The following DCDC2C variants were observed in gnomAD, a reference collection of about 807,000 sequenced individuals.
The protein encoded by DCDC2C is doublecortin domain containing 2C, also known as doublecortin domain-containing protein 2C.
In DCDC2C, 44 loss-of-function variants were observed where a neutral mutation model predicts 45.0. The observed-to-expected ratio is 0.98, with a 90% CI of 0.77 to 1.26. The LOEUF (loss-of-function observed/expected upper bound fraction) is 1.26. Ranked by LOEUF, DCDC2C falls within the 50% of genes most tolerant of loss-of-function variation. DCDC2C has a pLI of 0.00. For synonymous variants in DCDC2C, 187 were observed against 178.8 expected (o/e 1.05, Z -0.37); for missense variants, 447 against 468.9 (o/e 0.95, Z 0.43).
intron 10 of DCDC2C, among the ~76,000 whole-genome samples, chr2:3,794,519 C>T (rs946280264): frequency 1.3e-5 from 2 of 152,142 alleles, no homozygotes; most frequent in African/African-American, 4.8e-5. Flanking sequence ...TCCCCGCTCC[C>T]CCCACCCCAC....
chr2:3,726,804 C>T (rs77876490), intron 2 of DCDC2C, among the ~76,000 whole-genome samples, 199 bp from the exon 3 acceptor site: 9,176 of 152,170 alleles, frequency 0.06, 390 homozygotes, highest in East Asian at 0.15. Flanking sequence ...CCTCGCGCTG[C>T]ACTTGCTGGC....
At chr2:3,767,942 A>ATTTT in intron 7 of DCDC2C, 62 bp downstream of exon 7, 1 of 1,125,544 alleles carries the variant, frequency 8.9e-7, no homozygotes, top group Non-Finnish European at 1.2e-6. Flanking sequence ...AGAACATGGG[A>ATTTT]TTTTTTTTTT....
chr2:3,790,732 A>C (rs1670782256), intron 10 of DCDC2C, among the ~76,000 whole-genome samples: 1 of 152,186 alleles, frequency 6.6e-6, no homozygotes, highest in South Asian at 2.1e-4. Context: ...TCAACATTGG[A>C]GTCTCAAAAG....
chr2:3,773,982 A>G (rs1301880876), intron 8 of DCDC2C, among the ~76,000 whole-genome samples: 1 of 152,248 alleles, frequency 6.6e-6, no homozygotes, highest in Non-Finnish European at 1.5e-5. Context: ...GGATTCTCAA[A>G]TAGCAACTAG....
At chr2:3,732,645 G>T (rs927300827) in intron 3 of DCDC2C, among the ~76,000 whole-genome samples, 1 of 152,140 alleles carries the variant, frequency 6.6e-6, no homozygotes, top group African/African-American at 2.4e-5. Flanking sequence ...TTTGTTGATT[G>T]TAGGACTGTG....
intron 2 of DCDC2C, among the ~76,000 whole-genome samples, chr2:3,726,278 G>A (rs1420238025): frequency 1.3e-5 from 2 of 152,218 alleles, no homozygotes; most frequent in East Asian, 3.9e-4. Flanking sequence ...GGTGGGACCA[G>A]GACCCTGTCA....
chr2:3,808,414 A>G (rs1400982610), intron 10 of DCDC2C, among the ~76,000 whole-genome samples: 1 of 149,034 alleles, frequency 6.7e-6, no homozygotes, highest in East Asian at 2.0e-4. Flanking sequence ...TTTTTTTGAG[A>G]TTGGTTCTCG....
In DCDC2C at chr2:3,775,180, A is replaced by G. The variant is rs1194630756; in HGVS notation, c.955-3636A>G. Among the ~76,000 whole-genome samples, 5 of 114,846 alleles carry G rather than the reference A, an allele frequency of 4.4e-5. 1 individual carries two copies. The highest frequency in any genetic ancestry group is 2.6e-4 in the Admixed American group (3 of 11,576). The allele number at this position is 114,846 out of a possible 152,430, so 75.3% of individuals were successfully genotyped here. A position where few individuals can be genotyped will look rare whatever the true frequency, so the allele number is the denominator to read the frequency against. On this transcript the variant is annotated intron_variant, in intron 8 of 10. Transcript: ENST00000399143. ...AGCTAGGCAGCTGTGGCTGTGGGCT[A>G]GGCAGCTGTGGCTCTGAGCTAGGCA...
At chr2:3,773,324 GA>G (rs879650450) in intron 8 of DCDC2C, among the ~76,000 whole-genome samples, 1 of 150,024 alleles carries the variant, frequency 6.7e-6, no homozygotes, top group East Asian at 2.0e-4. Flanking sequence ...TATTTTCAAA[GA>G]ATTTTTAATT....
chr2:3,730,529 G>C (rs1407701673), intron 3 of DCDC2C, among the ~76,000 whole-genome samples: 2 of 152,104 alleles, frequency 1.3e-5, no homozygotes, highest in African/African-American at 4.8e-5. Flanking sequence ...TTTAAGGAAA[G>C]GACCAGGGGA....
At chr2:3,812,930 T>G (rs1278095606) in intron 10 of DCDC2C, among the ~76,000 whole-genome samples, 4 of 151,968 alleles carry the variant, frequency 2.6e-5, no homozygotes, top group African/African-American at 9.7e-5. Context: ...TTGATTGCAC[T>G]GTAGTCTGAG....
At chr2:3,813,039 G>A (rs1356594829) in intron 10 of DCDC2C, among the ~76,000 whole-genome samples, 23 of 87,420 alleles carry the variant, frequency 2.6e-4, no homozygotes, top group East Asian at 6.5e-4. Flanking sequence ...TGAGAAGAAC[G>A]TATATATATA....
chr2:3,836,964 C>A (rs1418692879), intron 10 of DCDC2C, among the ~76,000 whole-genome samples: 1 of 151,816 alleles, frequency 6.6e-6, no homozygotes, highest in Non-Finnish European at 1.5e-5. Context: ...CAAAGTAAAA[C>A]GTTAAAAGGA....
intron 6 of DCDC2C, among the ~76,000 whole-genome samples, chr2:3,762,102 A>T (rs188220521): frequency 6.6e-6 from 1 of 150,488 alleles, no homozygotes; most frequent in Non-Finnish European, 1.5e-5. Context: ...CGTGAGGTTC[A>T]TGCATGCTTC....
chr2:3,746,956 T>C (rs552803290), intron 4 of DCDC2C, among the ~76,000 whole-genome samples: 1 of 152,168 alleles, frequency 6.6e-6, no homozygotes, highest in African/African-American at 2.4e-5. Context: ...GGCCTGGCCC[T>C]GGGAGCGAGG....
intron 8 of DCDC2C, among the ~76,000 whole-genome samples, chr2:3,775,164 G>C (rs1049847600): frequency 1.6e-5 from 2 of 124,788 alleles, no homozygotes; most frequent in African/African-American, 3.1e-5. Context: ...GAGCTAGGCA[G>C]CTGTGGCTGT....
At chr2:3,844,817 G>A (rs1672289355) in intron 10 of DCDC2C, among the ~76,000 whole-genome samples, 1 of 152,186 alleles carries the variant, frequency 6.6e-6, no homozygotes, top group Non-Finnish European at 1.5e-5. Flanking sequence ...ATTGCCCGCT[G>A]GGGCCGACCT....
chr2:3,723,859 G>T lies in DCDC2C; in HGVS notation c.340-3144G>T, dbSNP rs186915950. 4.3e-4 allele frequency among the ~76,000 whole-genome samples: 65 copies of T among 152,218 alleles called. 2 individuals carry two copies. The highest frequency in any genetic ancestry group is 4.1e-3 in the Admixed American group (62 of 15,300). On this transcript the variant is annotated intron_variant, in intron 2 of 10. Transcript: ENST00000399143. ...TGGCACCATTTTCTGAGATGGGGAA[G>T]CCTGGGTTGATCCACTGGCTATGGA...
chr2:3,788,825 T>G (rs1670726755), intron 10 of DCDC2C, among the ~76,000 whole-genome samples: 1 of 123,400 alleles, frequency 8.1e-6, no homozygotes, highest in Non-Finnish European at 1.7e-5. Context: ...CTTCCTGCCT[T>G]CCCTCCCTTC....
Sources: gnomAD v4.1 joint callset for allele counts (sites outside exome capture counted in the v4.1 genomes callset) on GRCh38, gnomAD v4.1.1 for gene constraint, MANE v1.5 for transcripts, NCBI Gene and HGNC (gene_info 2026-07-23, HGNC 2026-07-21) for gene names.